NBAS: variants seen among roughly 807,000 people sequenced by gnomAD.
NBAS encodes the protein NAG/BC035112 fusion.
In NBAS, 219 loss-of-function variants were observed where a neutral mutation model predicts 302.5. That is an observed-to-expected ratio of 0.72 (90% CI 0.65 to 0.81). The LOEUF (loss-of-function observed/expected upper bound fraction) is 0.81, where lower values mean the gene tolerates loss of function less well. NBAS is among the 30% of genes least tolerant of loss of function. The pLI, the probability that NBAS is intolerant of heterozygous loss-of-function variation, is 0.00. For synonymous variants in NBAS, 1,118 were observed against 1,021.6 expected (o/e 1.09, Z -1.80); for missense variants, 2,932 against 2,841.6 (o/e 1.03, Z -0.72).
chr2:14,920,611 T>A, the NBAS span, among the ~76,000 whole-genome samples: 1 of 152,220 alleles, frequency 6.6e-6, no homozygotes, highest in Non-Finnish European at 1.5e-5. Context: ...TCATCAATTA[T>A]CTTAGCTAGA....
At chr2:15,526,208 T>C (rs1314275279) in intron 9 of NBAS, among the ~76,000 whole-genome samples, 1 of 152,174 alleles carries the variant, frequency 6.6e-6, no homozygotes, top group East Asian at 1.9e-4. Flanking sequence ...ATAGTCTGCG[T>C]GTTTAAGGAG....
At chr2:14,884,226 A>G in the NBAS span, among the ~76,000 whole-genome samples, 3 of 152,250 alleles carry the variant, frequency 2.0e-5, no homozygotes, top group African/African-American at 4.8e-5. Context: ...GCTTGTAAGC[A>G]TCTCGAAACT....
chr2:14,830,531 A>G, the NBAS span, among the ~76,000 whole-genome samples: 1 of 152,204 alleles, frequency 6.6e-6, no homozygotes, highest in Non-Finnish European at 1.5e-5. Context: ...ATCCATCAAA[A>G]GTCCTAATAT....
At chr2:14,941,492 C>T in the NBAS span, among the ~76,000 whole-genome samples, 112 of 152,318 alleles carry the variant, frequency 7.4e-4, no homozygotes, top group Middle Eastern at 0.02. Context: ...CAAACGCATC[C>T]GTTCTGGCCT....
chr2:15,477,168 A>G (rs1680227822), intron 13 of NBAS, among the ~76,000 whole-genome samples: 1 of 152,218 alleles, frequency 6.6e-6, no homozygotes, highest in African/African-American at 2.4e-5. Flanking sequence ...GTCTGGATGA[A>G]TATTTTGGAT....
chr2:15,475,453 A>C (rs1680147442), intron 14 of NBAS, among the ~76,000 whole-genome samples: 1 of 152,198 alleles, frequency 6.6e-6, no homozygotes, highest in South Asian at 2.1e-4. Flanking sequence ...ATATCATTTC[A>C]GTGAAAAAGA....
At chr2:14,843,304 G>A in the NBAS span, among the ~76,000 whole-genome samples, 164 of 152,158 alleles carry the variant, frequency 1.1e-3, no homozygotes, top group African/African-American at 3.9e-3. Context: ...TATAATACTG[G>A]AAGTCCTGGC....
chr2:15,415,479 T>C, intron 25 of NBAS, 67 bp downstream of exon 25: 1 of 1,380,190 alleles, frequency 7.2e-7, no homozygotes, highest in South Asian at 1.2e-5. Context: ...ATAAAAATTG[T>C]ATAAATAAAA....
the NBAS span, among the ~76,000 whole-genome samples, chr2:15,016,844 T>C: frequency 6.6e-6 from 1 of 151,898 alleles, no homozygotes; most frequent in African/African-American, 2.4e-5. Flanking sequence ...ACTGATTTCT[T>C]TTTATTTTAA....
intron 9 of NBAS, among the ~76,000 whole-genome samples, chr2:15,532,654 CAAG>C (rs1193600389): frequency 6.6e-6 from 1 of 151,864 alleles, no homozygotes; most frequent in Non-Finnish European, 1.5e-5. Flanking sequence ...AAATTGGAAT[CAAG>C]AAGTACAATG....
At chr2:14,930,011 G>C in the NBAS span, among the ~76,000 whole-genome samples, 1 of 152,182 alleles carries the variant, frequency 6.6e-6, no homozygotes, top group African/African-American at 2.4e-5. Flanking sequence ...GCTCCACCAT[G>C]GTAAGATGTG....
At chr2:14,806,104 C>T in the NBAS span, among the ~76,000 whole-genome samples, 1 of 152,160 alleles carries the variant, frequency 6.6e-6, no homozygotes, top group Non-Finnish European at 1.5e-5. Context: ...TGTTAAAACA[C>T]ATATGGGTTT....
chr2:15,536,542 A>G lies in NBAS; in HGVS notation c.523T>C (p.Phe175Leu), dbSNP rs1411660206. The G allele has an allele frequency of 6.2e-7, 1 of 1,610,442 alleles. No homozygotes were observed. Among genetic ancestry groups the G allele is most frequent in the East Asian group, 2.2e-5 (1 of 44,858 alleles). The change falls in exon 8 of 52, where the codon TTT becomes CTT. Residue 175 changes from phenylalanine (F) to leucine (L), a missense_variant. By Grantham distance (22) the Phe-to-Leu change is conservative. Coordinates refer to ENST00000281513, the MANE Select transcript of NBAS (RefSeq NM_015909.4). ...ATGGCATAGCTTAAGTCACCTATAAAACTAGATGCCTACAGAAGAGGGGGA... is the reference window on the plus strand; with the variant it reads ...ATGGCATAGCTTAAGTCACCTATAAGACTAGATGCCTACAGAAGAGGGGGA... ...ELFVISPASSFIGDLSYAIAG... is the reference protein window; with the variant it reads ...ELFVISPASSLIGDLSYAIAG...
chr2:15,301,713 A>T (rs1670804473), intron 40 of NBAS, among the ~76,000 whole-genome samples: 1 of 152,266 alleles, frequency 6.6e-6, no homozygotes, highest in Admixed American at 6.5e-5. Flanking sequence ...GACAGAGGTA[A>T]GTACAGGGGA....
intron 31 of NBAS, among the ~76,000 whole-genome samples, chr2:15,367,403 T>C (rs2148341966): frequency 6.6e-6 from 1 of 152,166 alleles, no homozygotes; most frequent in East Asian, 1.9e-4. Flanking sequence ...CCAATAATTA[T>C]AATAACAACA....
chr2:15,407,941 C>T (rs61564782), intron 25 of NBAS, among the ~76,000 whole-genome samples: 1 of 152,212 alleles, frequency 6.6e-6, no homozygotes, highest in African/African-American at 2.4e-5. Flanking sequence ...CTAGAGGGTG[C>T]CCACACTACT....
chr2:15,433,160 T>C (rs1049029184), intron 21 of NBAS, among the ~76,000 whole-genome samples: 4 of 152,172 alleles, frequency 2.6e-5, no homozygotes, highest in Non-Finnish European at 5.9e-5. Context: ...TGAATTCTAA[T>C]CCATAATACT....
chr2:15,245,608 A>AGGATAGAT (rs1553351367), intron 44 of NBAS, among the ~76,000 whole-genome samples: 1 of 148,038 alleles, frequency 6.8e-6, no homozygotes, highest in East Asian at 2.0e-4. Context: ...GTTGAATGGA[A>AGGATAGAT]GGATGGATGG....
chr2:15,484,189 C>T (rs991204739), intron 12 of NBAS, among the ~76,000 whole-genome samples: 10 of 152,260 alleles, frequency 6.6e-5, no homozygotes, highest in Admixed American at 4.6e-4. Flanking sequence ...TAATGAACTG[C>T]GTGACTCCAG....
Sources: allele counts gnomAD v4.1 joint callset (sites outside exome capture counted in the v4.1 genomes callset), GRCh38; gene constraint gnomAD v4.1.1; transcripts MANE v1.5; gene names NCBI Gene and HGNC (gene_info 2026-07-23, HGNC 2026-07-21).